The following CTNNA2 variants were observed in gnomAD, a reference collection of about 807,000 sequenced individuals.
CTNNA2 encodes catenin alpha-2.
Under a neutral mutation model 101.0 loss-of-function variants are expected in CTNNA2, and 42 were observed. The ratio of observed to expected loss-of-function variants is 0.42; its 90% CI spans 0.32 to 0.54. CTNNA2 has a LOEUF of 0.54. Among genes scored for constraint, CTNNA2 ranks in the 20% least tolerant of loss-of-function variants. The pLI, the probability that CTNNA2 is intolerant of heterozygous loss-of-function variation, is 0.14. For missense variants in CTNNA2, 871 were observed against 1,223.1 expected (o/e 0.71, Z 4.29); for synonymous variants, 450 against 456.4 (o/e 0.99, Z 0.18).
chr2:80,125,471 C>T (rs982056055), intron 7 of CTNNA2, among the ~76,000 whole-genome samples: 4 of 152,238 alleles, frequency 2.6e-5, no homozygotes, highest in African/African-American at 7.2e-5. Flanking sequence ...GTCATTTGGC[C>T]GCCCACATGG....
chr2:80,504,325 T>C (rs1231629636), intron 9 of CTNNA2, among the ~76,000 whole-genome samples: 1 of 152,180 alleles, frequency 6.6e-6, no homozygotes, highest in African/African-American at 2.4e-5. Context: ...AGTTTTTTAA[T>C]TTATTAGGAG....
At chr2:79,580,802 C>G (rs902863270) in intron 1 of CTNNA2, among the ~76,000 whole-genome samples, 2 of 152,042 alleles carry the variant, frequency 1.3e-5, no homozygotes, top group African/African-American at 4.8e-5. Context: ...AATCATTTTC[C>G]TAGAGTAGTA....
At chr2:80,534,766 T>C (rs1010660139) in intron 9 of CTNNA2, among the ~76,000 whole-genome samples, 1 of 152,190 alleles carries the variant, frequency 6.6e-6, no homozygotes, top group African/African-American at 2.4e-5. Flanking sequence ...CAGGGACCTT[T>C]CAGCAAGGAC....
intron 7 of CTNNA2, among the ~76,000 whole-genome samples, chr2:79,951,232 T>C (rs1688857076): frequency 6.6e-6 from 1 of 152,226 alleles, no homozygotes; most frequent in South Asian, 2.1e-4. Context: ...TAGAATAATC[T>C]GTGGGACTTA....
At chr2:80,531,639 G>T (rs1173244425) in intron 9 of CTNNA2, among the ~76,000 whole-genome samples, 1 of 152,160 alleles carries the variant, frequency 6.6e-6, no homozygotes, top group Non-Finnish European at 1.5e-5. Context: ...TCTGCTCCAT[G>T]CCTATCTCCT....
At chr2:79,736,844 A>G (rs1670916773) in intron 2 of CTNNA2, among the ~76,000 whole-genome samples, 1 of 152,176 alleles carries the variant, frequency 6.6e-6, no homozygotes, top group Non-Finnish European at 1.5e-5. Flanking sequence ...TGCCCAAATT[A>G]TCTTGGTTCT....
chr2:80,290,155 G>C (rs1304451376), intron 7 of CTNNA2, among the ~76,000 whole-genome samples: 1 of 152,146 alleles, frequency 6.6e-6, no homozygotes, highest in Non-Finnish European at 1.5e-5. Flanking sequence ...CAAGGGAATT[G>C]AGGTACAGAA....
intron 14 of CTNNA2, among the ~76,000 whole-genome samples, chr2:80,589,037 G>A (rs1019786129): frequency 2.6e-5 from 4 of 152,134 alleles, no homozygotes; most frequent in African/African-American, 7.2e-5. Context: ...CATCAAAGCG[G>A]CAGAGAAGTT....
intron 7 of CTNNA2, among the ~76,000 whole-genome samples, chr2:80,177,429 A>G (rs1199386905): frequency 6.6e-6 from 1 of 152,190 alleles, no homozygotes; most frequent in African/African-American, 2.4e-5. Flanking sequence ...GAATGTTGCC[A>G]TATTGAGGGC....
chr2:79,909,800 A>G lies in CTNNA2; in HGVS notation c.1056+3A>G. 1 of 1,592,190 alleles carries G rather than the reference A, an allele frequency of 6.3e-7. No homozygotes were observed. The highest frequency in any genetic ancestry group is 8.6e-7 in the Non-Finnish European group (1 of 1,165,178). Reference sequence around the variant, plus strand: ...TGCTCAGCGAGTACATGAATAATGTAAGTCTTGGGATCTCCATTCTCATGT... The same window carrying G: ...TGCTCAGCGAGTACATGAATAATGTGAGTCTTGGGATCTCCATTCTCATGT... On this transcript the variant is annotated splice_donor_region_variant and intron_variant, in intron 7 of 18. Transcript: ENST00000402739.
intron 2 of CTNNA2, among the ~76,000 whole-genome samples, chr2:79,275,485 C>G (rs1053462666): frequency 1.3e-5 from 2 of 152,016 alleles, no homozygotes; most frequent in East Asian, 1.9e-4. Context: ...CACAGTAGTA[C>G]CAATCAATTT....
At chr2:79,842,364 C>A (rs1473392562) in intron 3 of CTNNA2, among the ~76,000 whole-genome samples, 1 of 152,090 alleles carries the variant, frequency 6.6e-6, no homozygotes, top group African/African-American at 2.4e-5. Flanking sequence ...GGAACAGTAC[C>A]CCATGGAGTT....
chr2:80,434,111 A>G (rs554086317), intron 9 of CTNNA2, among the ~76,000 whole-genome samples: 72 of 152,340 alleles, frequency 4.7e-4, no homozygotes, highest in African/African-American at 1.4e-3. Context: ...CTTGCCTGAT[A>G]GAGTCCAAGT....
At chr2:80,043,097 CT>C (rs1558755062) in intron 7 of CTNNA2, among the ~76,000 whole-genome samples, 2,238 of 23,674 alleles carry the variant, frequency 0.095, 117 homozygotes, top group East Asian at 0.15. Context: ...CTTTCTTTCT[CT>C]CTCTCTCTCT....
intron 9 of CTNNA2, among the ~76,000 whole-genome samples, chr2:80,511,225 TA>T (rs1364576640): frequency 6.6e-6 from 1 of 152,200 alleles, no homozygotes; most frequent in African/African-American, 2.4e-5. Flanking sequence ...GGCAAAATTG[TA>T]AAAAATTCAA....
chr2:80,609,980 T>C (rs534111062), intron 17 of CTNNA2, among the ~76,000 whole-genome samples: 1 of 151,768 alleles, frequency 6.6e-6, no homozygotes, highest in African/African-American at 2.4e-5. Context: ...TATAGAGGTG[T>C]TTGAGATTGG....
At chr2:79,294,120 T>C (rs1258171205) in intron 2 of CTNNA2, among the ~76,000 whole-genome samples, 3 of 151,936 alleles carry the variant, frequency 2.0e-5, no homozygotes, top group Non-Finnish European at 4.4e-5. Context: ...GTGCCAACTC[T>C]CTTTCTGGCT....
chr2:79,434,138 C>CAA (rs375153965), intron 4 of CTNNA2, among the ~76,000 whole-genome samples: 1 of 148,002 alleles, frequency 6.8e-6, no homozygotes, highest in African/African-American at 2.5e-5. Context: ...ACTAAAAATA[C>CAA]AAAAAAAAAA....
rs1013649375 is a variant in CTNNA2 at position 79,669,443 on chromosome 2, G to A, written c.102+17785G>A. On this transcript the variant is annotated intron_variant, in intron 2 of 18. Coordinates refer to ENST00000402739, the MANE Select transcript of CTNNA2 (RefSeq NM_001282597.3). ...CTCTGTGGCCAAAACACCTTTGCCCGAGTTCTTGTCCTGCATACAGGAAGA... is the reference window on the plus strand; with the variant it reads ...CTCTGTGGCCAAAACACCTTTGCCCAAGTTCTTGTCCTGCATACAGGAAGA... Among the ~76,000 whole-genome samples the A allele has an allele frequency of 5.3e-5, 8 of 152,284 alleles. No homozygotes were observed. The South Asian group carries it at 6.2e-4, about 12-fold the overall frequency.
Sources: gnomAD v4.1 joint callset for allele counts (sites outside exome capture counted in the v4.1 genomes callset) on GRCh38, gnomAD v4.1.1 for gene constraint, MANE v1.5 for transcripts, NCBI Gene and HGNC (gene_info 2026-07-23, HGNC 2026-07-21) for gene names.